FARP2: variants seen among roughly 807,000 people sequenced by gnomAD.
FARP2 encodes FERM, ARHGEF and pleckstrin domain-containing protein 2.
FARP2 carries 111 observed loss-of-function variants against 130.5 expected under a neutral mutation model. The observed-to-expected ratio is 0.85, with a 90% CI of 0.73 to 1.00. The LOEUF (loss-of-function observed/expected upper bound fraction) is 1.00, where lower values mean the gene tolerates loss of function less well. Among genes scored for constraint, FARP2 ranks in the 50% least tolerant of loss-of-function variants. The pLI is 0.00. For synonymous variants in FARP2, 504 were observed against 516.9 expected, an observed-to-expected ratio of 0.98 and a Z score of 0.34; for missense variants, 1,385 against 1,346.3, an observed-to-expected ratio of 1.03 and a Z score of -0.45.
At chr2:241,492,397 C>T (rs1042310614) in intron 24 of FARP2, among the ~76,000 whole-genome samples, 3 of 152,194 alleles carry the variant, frequency 2.0e-5, no homozygotes, top group Non-Finnish European at 2.9e-5. Context: ...AGGCCCGCTC[C>T]GCCATCTTAG....
chr2:241,428,268 T>G (rs2063006235), intron 8 of FARP2, among the ~76,000 whole-genome samples: 1 of 135,792 alleles, frequency 7.4e-6, no homozygotes, highest in African/African-American at 2.7e-5. Flanking sequence ...GGAGTCTCCC[T>G]TTGTCGTCCA....
chr2:241,418,702 C>A (rs1489856416), intron 8 of FARP2, among the ~76,000 whole-genome samples: 1 of 152,138 alleles, frequency 6.6e-6, no homozygotes, highest in Non-Finnish European at 1.5e-5. Context: ...CTGCTCACTT[C>A]CATTTGTGGT....
chr2:241,470,791 T>A (rs1221790164), intron 18 of FARP2, among the ~76,000 whole-genome samples: 1 of 151,734 alleles, frequency 6.6e-6, no homozygotes, highest in African/African-American at 2.4e-5. Context: ...GACCCTGTTC[T>A]TAGGAGGATA....
Position 241,422,578 on chromosome 2 carries a change from A to G in FARP2, c.771+4469A>G, listed in dbSNP as rs1200525664. Among the ~76,000 whole-genome samples, 7 of 152,144 alleles carry G rather than the reference A, an allele frequency of 4.6e-5. No homozygotes were observed. The East Asian group carries it at 5.8e-4, about 13-fold the overall frequency. ...GCCTCTTCTCCTCCAAATGACCACA[A>G]TACCTCTCTGGCAAGGGCATAGAAA... On this transcript the variant is annotated intron_variant, in intron 8 of 26. Coordinates refer to ENST00000264042, the MANE Select transcript of FARP2 (RefSeq NM_014808.4).
At chr2:241,387,740 C>G (rs2061820277) in intron 2 of FARP2, among the ~76,000 whole-genome samples, 1 of 149,954 alleles carries the variant, frequency 6.7e-6, no homozygotes, top group Non-Finnish European at 1.5e-5. Context: ...TTGCAGTGAG[C>G]CGAGCTCGCA....
At chr2:241,457,788 A>G (rs1229476569) in intron 14 of FARP2, among the ~76,000 whole-genome samples, 1 of 151,112 alleles carries the variant, frequency 6.6e-6, no homozygotes, top group East Asian at 1.9e-4. Context: ...AGGGTGCACT[A>G]GGGACCGCTT....
At chr2:241,464,983 C>T (rs2064131428) in intron 17 of FARP2, among the ~76,000 whole-genome samples, 1 of 152,130 alleles carries the variant, frequency 6.6e-6, no homozygotes, top group African/African-American at 2.4e-5. Context: ...AACAGCATAC[C>T]CCTCACAACA....
At chr2:241,417,372 A>G (rs2062700634) in intron 7 of FARP2, among the ~76,000 whole-genome samples, 1 of 151,710 alleles carries the variant, frequency 6.6e-6, no homozygotes, top group South Asian at 2.1e-4. Context: ...TTTCTTTTTC[A>G]TTTCATTTTA....
At chr2:241,450,925 C>T (rs2063640777) in intron 13 of FARP2, among the ~76,000 whole-genome samples, 1 of 152,146 alleles carries the variant, frequency 6.6e-6, no homozygotes, top group Admixed American at 6.5e-5. Flanking sequence ...GCACTCCAGC[C>T]TGGGCAACAG....
chr2:241,460,169 C>A (rs1413096855), intron 14 of FARP2, among the ~76,000 whole-genome samples: 1 of 152,208 alleles, frequency 6.6e-6, no homozygotes, highest in Non-Finnish European at 1.5e-5. Flanking sequence ...ACATCCCTGT[C>A]CCTCAGCTGT....
chr2:241,438,890 A>G (rs2063314851), intron 12 of FARP2, among the ~76,000 whole-genome samples: 1 of 151,898 alleles, frequency 6.6e-6, no homozygotes, highest in African/African-American at 2.4e-5. Context: ...CAGCCTCCCA[A>G]AGTGCTGGGA....
intron 16 of FARP2, 57 bp from the exon 17 acceptor site, chr2:241,463,842 C>T: frequency 6.9e-7 from 1 of 1,448,496 alleles, no homozygotes; most frequent in South Asian, 1.2e-5. Flanking sequence ...CGTCAGATTA[C>T]AGTGCCTTCT....
chr2:241,458,504 G>C (rs1365025712), intron 14 of FARP2, among the ~76,000 whole-genome samples: 3 of 152,208 alleles, frequency 2.0e-5, no homozygotes, highest in Admixed American at 6.5e-5. Flanking sequence ...TCCCACTGGA[G>C]TGGAAGGAGC....
intron 1 of FARP2, among the ~76,000 whole-genome samples, chr2:241,360,283 T>G (rs2061158615): frequency 6.6e-6 from 1 of 152,136 alleles, no homozygotes; most frequent in South Asian, 2.1e-4. Context: ...CTTGAAGGTA[T>G]ACAATTTGGG....
At chr2:241,363,442 T>C (rs888675507) in intron 1 of FARP2, among the ~76,000 whole-genome samples, 3 of 152,172 alleles carry the variant, frequency 2.0e-5, no homozygotes, top group Non-Finnish European at 2.9e-5. Context: ...AGGTTTCTGG[T>C]TGGAGTCTGA....
Position 241,475,986 on chromosome 2 carries a change from G to C in FARP2, c.2261G>C (p.Arg754Thr). The change falls in exon 19 of 27, where the codon AGG becomes ACG. Residue 754 changes from arginine (R) to threonine (T), a missense_variant and splice_region_variant. Transcript: ENST00000264042. This position sits in a 1 kb window ranked among gnomAD's most constrained non-coding sequence, Gnocchi z 4.4. The stretch of plus-strand genomic sequence containing the variant: ...ATAGAGAACCTCATTGCTCCTGGCA[G>C]GGTGAGTGACCTTGCTCTGGGAATG... Reference protein sequence around the residue: ...VGIENLIAPGREFIREGCLHK... With the variant: ...VGIENLIAPGTEFIREGCLHK... The C allele has an allele frequency of 6.2e-7, 1 of 1,610,916 alleles. No homozygotes were observed. Among genetic ancestry groups the C allele is most frequent in the East Asian group, 2.2e-5 (1 of 44,808 alleles).
At position 241,486,020 on chromosome 2, in the gene FARP2, C is replaced by G. The variant is rs553241604; in HGVS notation, c.2421+1689C>G. Reference sequence around the variant, plus strand: ...AAAATTTAATTCCACTTCTCAGGCCCTCAGCAAGAAGAGGTCAGTTTGAAT... The same window carrying G: ...AAAATTTAATTCCACTTCTCAGGCCGTCAGCAAGAAGAGGTCAGTTTGAAT... On this transcript the variant is annotated intron_variant, in intron 21 of 26. Coordinates refer to ENST00000264042, the MANE Select transcript of FARP2 (RefSeq NM_014808.4). Among the ~76,000 whole-genome samples the G allele has an allele frequency of 2.0e-5, 3 of 152,382 alleles. No homozygotes were observed. In the South Asian group the frequency reaches 6.2e-4, roughly 32 times the overall value.
intron 13 of FARP2, chr2:241,446,585 G>A (rs2063519759): frequency 6.6e-6 from 1 of 152,188 alleles, no homozygotes; most frequent in Non-Finnish European, 1.5e-5. Flanking sequence ...GTGTGTTTAT[G>A]TGACATTTGA....
intron 7 of FARP2, among the ~76,000 whole-genome samples, chr2:241,416,823 C>T (rs2062685120): frequency 6.6e-6 from 1 of 152,096 alleles, no homozygotes; most frequent in Non-Finnish European, 1.5e-5. Flanking sequence ...GCGAAAGGAT[C>T]GCTTGAGCCT....
Sources: gnomAD v4.1 joint callset for allele counts (sites outside exome capture counted in the v4.1 genomes callset) on GRCh38, gnomAD v4.1.1 for gene constraint, Gnocchi (gnomAD v3.1) non-coding constraint, MANE v1.5 for transcripts, NCBI Gene and HGNC (gene_info 2026-07-23, HGNC 2026-07-21) for gene names.